Variants in GIGYF2 observed in about 807,000 individuals in gnomAD.
GIGYF2 encodes the protein GRB10-interacting GYF protein 2.
GIGYF2 carries 25 observed loss-of-function variants against 208.1 expected under a neutral mutation model. The observed-to-expected ratio is 0.12, with a 90% CI of 0.09 to 0.17. The LOEUF (loss-of-function observed/expected upper bound fraction) is 0.17. GIGYF2 is among the 10% of genes least tolerant of loss of function. The pLI is 1.00. For missense variants in GIGYF2, 1,302 were observed against 1,579.4 expected (o/e 0.82, Z 2.98); for synonymous variants, 534 against 543.8 (o/e 0.98, Z 0.25).
At chr2:232,769,226 A>AC (rs1699114842) in intron 8 of GIGYF2, among the ~76,000 whole-genome samples, 2 of 152,196 alleles carry the variant, frequency 1.3e-5, no homozygotes, top group African/African-American at 4.8e-5. Context: ...TGGGGAGGGG[A>AC]CCAATAGAAT....
At chr2:232,764,005 C>A (rs989357838) in intron 8 of GIGYF2, among the ~76,000 whole-genome samples, 4 of 152,150 alleles carry the variant, frequency 2.6e-5, no homozygotes, top group Non-Finnish European at 5.9e-5. Flanking sequence ...ATATTAAATT[C>A]TCACTTATGT....
chr2:232,797,489 T>TTGTGTGTGTG (rs67221198), intron 14 of GIGYF2, among the ~76,000 whole-genome samples: 2,537 of 145,056 alleles, frequency 0.017, 42 homozygotes, highest in African/African-American at 0.045. Flanking sequence ...AGAGCAGGGC[T>TTGTGTGTGTG]TGTGTGTGTG....
intron 8 of GIGYF2, chr2:232,771,214 T>A (rs1396840547): frequency 1.9e-6 from 3 of 1,612,072 alleles, no homozygotes; most frequent in Non-Finnish European, 2.5e-6. Flanking sequence ...CCAGCGCATG[T>A]CCATTAGGAT....
chr2:232,786,683 T>C (rs1408871376), intron 8 of GIGYF2, among the ~76,000 whole-genome samples: 3 of 152,186 alleles, frequency 2.0e-5, no homozygotes, highest in Non-Finnish European at 4.4e-5. Flanking sequence ...TATGTGCTAG[T>C]AAGGAAGGAT....
At chr2:232,728,826 T>A (rs1697323420) in intron 2 of GIGYF2, among the ~76,000 whole-genome samples, 1 of 152,194 alleles carries the variant, frequency 6.6e-6, no homozygotes, top group Non-Finnish European at 1.5e-5. Context: ...AGGGAGGTCA[T>A]AGTTTCAACA....
intron 1 of GIGYF2, among the ~76,000 whole-genome samples, chr2:232,702,783 TTTTG>T (rs1170598964): frequency 6.6e-6 from 1 of 152,194 alleles, no homozygotes; most frequent in African/African-American, 2.4e-5. Flanking sequence ...GTGATGCGGC[TTTTG>T]TTTTTCTGTT....
chr2:232,709,476 A>G (rs1193845116), intron 2 of GIGYF2, among the ~76,000 whole-genome samples: 1 of 152,144 alleles, frequency 6.6e-6, no homozygotes, highest in Non-Finnish European at 1.5e-5. Flanking sequence ...CGCGCGGCCC[A>G]TCACACCAAG....
intron 8 of GIGYF2, among the ~76,000 whole-genome samples, chr2:232,779,046 A>G (rs1244451359): frequency 6.6e-6 from 1 of 152,132 alleles, no homozygotes; most frequent in Non-Finnish European, 1.5e-5. Context: ...ATACCAAAGC[A>G]GTATATTTTG....
At chr2:232,787,041 A>T (rs533771657) in intron 8 of GIGYF2, 109 bp from the exon 9 acceptor site, 35 of 776,982 alleles carry the variant, frequency 4.5e-5, no homozygotes, top group Non-Finnish European at 7.3e-5. Context: ...TTTTCTGAAT[A>T]TTGAAATGGA....
chr2:232,707,149 G>A (rs1335465452), intron 2 of GIGYF2, among the ~76,000 whole-genome samples: 2 of 152,126 alleles, frequency 1.3e-5, no homozygotes, highest in Non-Finnish European at 2.9e-5. Flanking sequence ...ATATTGTTCA[G>A]AAACAGTAGG....
intron 3 of GIGYF2, 184 bp downstream of exon 3, chr2:232,735,422 T>C: frequency 3.9e-6 from 2 of 510,400 alleles, no homozygotes; most frequent in Non-Finnish European, 6.9e-6. Context: ...ATTCTATACT[T>C]AATTAAAATT....
In GIGYF2 at chr2:232,850,354, G is replaced by T; in HGVS notation, c.3777G>T (p.Gln1259His). ...AACAATCCAATTTTGAGGCTGTGCA[G>T]AGTGGCAAGAAGAAGAAAAAGCAGA... ...NNQQSNFEAV[Q>H]SGKKKKKQKM... The change falls in exon 28 of 29, where the codon CAG (glutamine) becomes CAT (histidine). Residue 1259 changes from glutamine to histidine, a missense_variant. Around this residue, in one of 8 missense-constraint regions of GIGYF2, gnomAD observed 25 missense variants for 53.7 expected, o/e 0.47. Coordinates refer to ENST00000373563, the MANE Select transcript of GIGYF2 (RefSeq NM_001103146.3). The T allele has an allele frequency of 6.2e-7, 1 of 1,614,150 alleles. No individual in the cohort carries two copies. Among genetic ancestry groups the T allele is most frequent in the Non-Finnish European group, 8.5e-7 (1 of 1,179,998 alleles).
chr2:232,808,648 C>A (rs2106382114), intron 15 of GIGYF2, among the ~76,000 whole-genome samples: 1 of 152,206 alleles, frequency 6.6e-6, no homozygotes, highest in Non-Finnish European at 1.5e-5. Flanking sequence ...TATCTTATTT[C>A]AAACTATAAT....
chr2:232,730,212 C>G, intron 2 of GIGYF2: 1 of 1,228,630 alleles, frequency 8.1e-7, no homozygotes, highest in African/African-American at 1.5e-5. Context: ...ATCAGCTGTA[C>G]CTGAGAGCTG....
chr2:232,844,388 G>A lies in GIGYF2; in HGVS notation c.3119G>A (p.Ser1040Asn). ...TAACAGCATTCCAACCTGCACACCAGCATTGGGAATTCTGTTTGGGGCTCT... is the reference window on the plus strand; with the variant it reads ...TAACAGCATTCCAACCTGCACACCAACATTGGGAATTCTGTTTGGGGCTCT... Reference protein sequence around the residue: ...RNNTHSNLHTSIGNSVWGSIN... With the variant: ...RNNTHSNLHTNIGNSVWGSIN... The change falls in exon 25 of 29, where the codon AGC becomes AAC. Residue 1040 changes from serine (S) to asparagine (N), a missense_variant. Coordinates refer to ENST00000373563, the MANE Select transcript of GIGYF2 (RefSeq NM_001103146.3). 3 of 1,613,458 alleles carry A rather than the reference G, an allele frequency of 1.9e-6. No homozygotes were observed. Among genetic ancestry groups the A allele is most frequent in the Non-Finnish European group, 2.5e-6 (3 of 1,179,384 alleles).
chr2:232,734,056 G>A (rs1280151838), intron 2 of GIGYF2, among the ~76,000 whole-genome samples: 1 of 146,456 alleles, frequency 6.8e-6, no homozygotes, highest in Non-Finnish European at 1.5e-5. Flanking sequence ...ATTTTAACTT[G>A]ACAATCTGAA....
At chr2:232,789,353 A>C (rs1478850960) in intron 9 of GIGYF2, among the ~76,000 whole-genome samples, 1 of 152,192 alleles carries the variant, frequency 6.6e-6, no homozygotes, top group Non-Finnish European at 1.5e-5. Flanking sequence ...AGGTACCTAG[A>C]AGGATAGATT....
At position 232,856,852 on chromosome 2, in the gene GIGYF2, G is replaced by GACT. The variant is rs1466566553; in HGVS notation, c.3896_3898dup (p.Tyr1299dup). On this transcript the variant is annotated inframe_insertion, in exon 29 of 29. Coordinates refer to ENST00000373563, the MANE Select transcript of GIGYF2 (RefSeq NM_001103146.3). Reference sequence around the variant, plus strand: ...CATGGGTGAAATCGAGACGTTGGATGACTACTGAGCACCTGCCAGTGGACT... The same window carrying GACT: ...CATGGGTGAAATCGAGACGTTGGATGACTACTACTGAGCACCTGCCAGTGGACT... 14 of 1,609,338 alleles carry GACT rather than the reference G, an allele frequency of 8.7e-6. No homozygotes were observed. The highest frequency in any genetic ancestry group is 8.0e-5 in the African/African-American group (6 of 74,814).
intron 21 of GIGYF2, among the ~76,000 whole-genome samples, chr2:232,831,692 C>T (rs751945191): frequency 6.6e-6 from 1 of 152,190 alleles, no homozygotes; most frequent in Non-Finnish European, 1.5e-5. Context: ...TAAGTATTTA[C>T]GGCCTTTGCA....
Sources: allele counts gnomAD v4.1 joint callset (sites outside exome capture counted in the v4.1 genomes callset), GRCh38; gene constraint gnomAD v4.1.1; regional missense constraint gnomAD v4.1.1; transcripts MANE v1.5; gene names NCBI Gene and HGNC (gene_info 2026-07-23, HGNC 2026-07-21).